The following HGD variants were observed in gnomAD, a reference collection of about 807,000 sequenced individuals.
HGD encodes homogentisate oxidase.
HGD carries 61 observed loss-of-function variants against 60.8 expected under a neutral mutation model. The ratio of observed to expected loss-of-function variants is 1.00; its 90% CI spans 0.82 to 1.24. The LOEUF is 1.24. Ranked by LOEUF, HGD falls within the 50% of genes most tolerant of loss-of-function variation. The pLI, the probability that HGD is intolerant of heterozygous loss-of-function variation, is 0.00. For missense variants in HGD, 542 were observed against 547.1 expected, an observed-to-expected ratio of 0.99 and a Z score of 0.09; for synonymous variants, 212 against 187.7, an observed-to-expected ratio of 1.13 and a Z score of -1.06.
intron 3 of HGD, among the ~76,000 whole-genome samples, chr3:120,674,121 A>G (rs1319983521): frequency 6.6e-6 from 1 of 152,234 alleles, no homozygotes; most frequent in African/African-American, 2.4e-5. Context: ...TAAGCAGTAC[A>G]AGACCACATG....
At chr3:120,673,249 G>T (rs2107552815) in intron 3 of HGD, among the ~76,000 whole-genome samples, 1 of 152,270 alleles carries the variant, frequency 6.6e-6, no homozygotes, top group East Asian at 1.9e-4. Context: ...CCTGAACAGA[G>T]ATTTAATTCT....
chr3:120,628,475 C>A lies in HGD; in HGVS notation c.1243G>T (p.Ala415Ser). 1.2e-6 allele frequency: 2 copies of A among 1,613,964 alleles called. No homozygotes were observed. Among genetic ancestry groups the A allele is most frequent in the South Asian group, 1.1e-5 (1 of 91,064 alleles). ...TAGTTCTCATCCAAACACCTGGAGG[C>A]CTTGAGTCCCCACTTTGTGACCGCC... ...SLAVTKWGLK[A>S]SRCLDENYHK... Residue 415 changes from alanine to serine, a missense_variant, in exon 14 of 14, where the codon GCC (alanine) becomes TCC (serine). Around this residue, in one of 2 missense-constraint regions of HGD, gnomAD observed 537 missense variants for 529.1 expected, o/e 1.01. Transcript: ENST00000283871.
intron 4 of HGD, among the ~76,000 whole-genome samples, chr3:120,654,938 G>A (rs940789141): frequency 2.6e-5 from 4 of 152,160 alleles, no homozygotes; most frequent in Non-Finnish European, 4.4e-5. Context: ...GGGTGTGGTG[G>A]CATGCACCTG....
At chr3:120,643,937 CT>C (rs1941075819) in intron 10 of HGD, among the ~76,000 whole-genome samples, 1 of 152,160 alleles carries the variant, frequency 6.6e-6, no homozygotes, top group South Asian at 2.1e-4. Flanking sequence ...CTTGGCTGAT[CT>C]GTTAACTCAT....
chr3:120,632,225 G>T lies in HGD; in HGVS notation c.1188+922C>A, dbSNP rs922515119. Among the ~76,000 whole-genome samples, 5 of 152,224 alleles carry T rather than the reference G, an allele frequency of 3.3e-5. No homozygotes were observed. The South Asian group carries it at 6.2e-4, about 19-fold the overall frequency. On this transcript the variant is annotated intron_variant, in intron 13 of 13. Transcript: ENST00000283871. ...GCAAACTGCAGTGGACAGACGGACA[G>T]ATAATGCTCACTGTTTAGGTAGTTT... is the stretch of plus-strand genomic sequence containing the variant.
intron 8 of HGD, 71 bp downstream of exon 8, chr3:120,646,902 G>T: frequency 8.4e-7 from 1 of 1,189,544 alleles, no homozygotes; most frequent in Non-Finnish European, 1.3e-6. Flanking sequence ...GTTGGAAATA[G>T]CAGCAGCTGA....
intron 4 of HGD, among the ~76,000 whole-genome samples, chr3:120,653,853 T>G (rs1308825234): frequency 2.0e-5 from 3 of 152,194 alleles, no homozygotes; most frequent in Non-Finnish European, 4.4e-5. Flanking sequence ...TTCTTTGTTG[T>G]GGGGAGGTGT....
intron 1 of HGD, chr3:120,677,904 G>C (rs1170810867): frequency 2.0e-5 from 3 of 152,170 alleles, no homozygotes; most frequent in African/African-American, 7.2e-5. Context: ...AAGAACCTAC[G>C]TGAATATTGG....
At chr3:120,670,686 C>T (rs1226390428) in intron 3 of HGD, among the ~76,000 whole-genome samples, 154 bp from the exon 4 acceptor site, 1 of 152,172 alleles carries the variant, frequency 6.6e-6, no homozygotes, top group African/African-American at 2.4e-5. Context: ...TACAGCATCA[C>T]TTTTCATGGC....
rs969659526 is a variant in HGD, at chr3:120,628,319, C to A, written c.*61G>T. ...CCCCTCCTCCAATACTACCAGAAAG[C>A]ATGAGATTCTGAAGAAATCTTCACA... is the stretch of plus-strand genomic sequence containing the variant. On this transcript the variant is annotated 3_prime_UTR_variant, in exon 14 of 14. Transcript: ENST00000283871. 39 of 1,557,794 alleles carry A rather than the reference C, an allele frequency of 2.5e-5. No homozygotes were observed. The highest frequency in any genetic ancestry group is 4.1e-5 in the African/African-American group (3 of 73,672).
At chr3:120,654,697 G>A (rs957240584) in intron 4 of HGD, among the ~76,000 whole-genome samples, 1 of 152,096 alleles carries the variant, frequency 6.6e-6, no homozygotes, top group African/African-American at 2.4e-5. Context: ...AGAGAGAGAG[G>A]GAGAAATCCC....
At chr3:120,629,107 G>T (rs1477066716) in intron 13 of HGD, among the ~76,000 whole-genome samples, 1 of 152,200 alleles carries the variant, frequency 6.6e-6, no homozygotes, top group Non-Finnish European at 1.5e-5. Flanking sequence ...GGCAGGAATG[G>T]CTGTAGCACT....
chr3:120,675,813 T>TG lies in HGD; in HGVS notation c.65dup (p.Gly23ArgfsTer9). On this transcript the variant is annotated frameshift_variant, in exon 2 of 14. Coordinates refer to ENST00000283871, the MANE Select transcript of HGD (RefSeq NM_000187.4). LOFTEE classifies it high-confidence loss of function. ...ATACCTGTCCTTCTGGCAGGGAACC[T>TG]GGGCAGCGAGGATCCTCTGAAGAAC... 1 of 1,613,646 alleles carries TG rather than the reference T, an allele frequency of 6.2e-7. No individual in the cohort carries two copies. The highest frequency in any genetic ancestry group is 1.1e-5 in the South Asian group (1 of 91,074).
intron 4 of HGD, among the ~76,000 whole-genome samples, chr3:120,655,254 C>G (rs1941459780): frequency 6.6e-6 from 1 of 152,150 alleles, no homozygotes; most frequent in South Asian, 2.1e-4. Context: ...TCTTCTGTAG[C>G]ACATTAGCCC....
At position 120,636,184 on chromosome 3, in the gene HGD, C is replaced by T. The variant is rs150131248; in HGVS notation, c.1006+2271G>A. 3.6e-4 allele frequency among the ~76,000 whole-genome samples: 53 copies of T among 147,882 alleles called. No homozygotes were observed. In the East Asian group the frequency reaches 6.9e-3, roughly 19 times the overall value. On this transcript the variant is annotated intron_variant, in intron 12 of 13. Coordinates refer to ENST00000283871, the MANE Select transcript of HGD (RefSeq NM_000187.4). ...GGTCCAAGCTACTCAGGAGACTGAG[C>T]GGGGAGGATCACTTGAGCCTGGGGG...
Position 120,670,034 on chromosome 3 carries a change from T to A in HGD, c.282+393A>T, listed in dbSNP as rs954790195. 2.6e-5 allele frequency among the ~76,000 whole-genome samples: 4 copies of A among 152,318 alleles called. No individual in the cohort carries two copies. The East Asian group carries it at 7.7e-4, about 29-fold the overall frequency. Reference sequence around the variant, plus strand: ...ATGGGGATGGTTACCCTCATGATAGTGAGTTCTCACAAGATATGATAGTTT... The same window carrying A: ...ATGGGGATGGTTACCCTCATGATAGAGAGTTCTCACAAGATATGATAGTTT... On this transcript the variant is annotated intron_variant, in intron 4 of 13. Transcript: ENST00000283871.
rs558865108 is a variant in HGD, at chr3:120,654,751, A to G, written c.283-2100T>C. Among the ~76,000 whole-genome samples the G allele has an allele frequency of 3.9e-5, 6 of 152,320 alleles. No individual in the cohort carries two copies. In the South Asian group the frequency reaches 1.2e-3, roughly 32 times the overall value. On this transcript the variant is annotated intron_variant, in intron 4 of 13. Transcript: ENST00000283871. Reference sequence around the variant, plus strand: ...GCCTGGTTTGTTGTACTGGGACAATATCTTTGTACATCTGCCTGATGTTAA... The same window carrying G: ...GCCTGGTTTGTTGTACTGGGACAATGTCTTTGTACATCTGCCTGATGTTAA...
intron 6 of HGD, among the ~76,000 whole-genome samples, chr3:120,650,148 C>A (rs1485470057): frequency 6.6e-6 from 1 of 152,186 alleles, no homozygotes; most frequent in Non-Finnish European, 1.5e-5. Context: ...AAAATTGTAT[C>A]ATTCAGAGCC....
At chr3:120,649,073 T>A (rs763383148) in intron 6 of HGD, among the ~76,000 whole-genome samples, 3 of 152,046 alleles carry the variant, frequency 2.0e-5, no homozygotes, top group Non-Finnish European at 2.9e-5. Context: ...AGCTCTTGTT[T>A]AGGTTCCTAA....
Sources: allele counts gnomAD v4.1 joint callset (sites outside exome capture counted in the v4.1 genomes callset), GRCh38; gene constraint gnomAD v4.1.1; regional missense constraint gnomAD v4.1.1; transcripts MANE v1.5; gene names NCBI Gene and HGNC (gene_info 2026-07-23, HGNC 2026-07-21).